ITLN2: variants seen among roughly 807,000 people sequenced by gnomAD.
ITLN2 encodes intelectin 2, also known as intelectin-2.
ITLN2 carries 29 observed loss-of-function variants against 39.4 expected under a neutral mutation model. That is an observed-to-expected ratio of 0.74 (90% CI 0.55 to 1.00). ITLN2 has a LOEUF of 1.00. ITLN2 is among the 50% of genes least tolerant of loss of function. ITLN2 has a pLI of 0.00. For missense variants in ITLN2, 412 were observed against 416.7 expected, an observed-to-expected ratio of 0.99 and a Z score of 0.10; for synonymous variants, 156 against 153.4, an observed-to-expected ratio of 1.02 and a Z score of -0.12.
intron 5 of ITLN2, 55 bp from the exon 6 acceptor site, chr1:160,950,221 G>A (rs1671709501): frequency 6.3e-7 from 1 of 1,589,998 alleles, no homozygotes; most frequent in Non-Finnish European, 8.6e-7. Flanking sequence ...CTGCCACAGT[G>A]TGGGGGGAGG....
chr1:160,946,236 G>T (rs867237772), intron 7 of ITLN2, among the ~76,000 whole-genome samples: 1 of 152,044 alleles, frequency 6.6e-6, no homozygotes, highest in African/African-American at 2.4e-5. Context: ...ACTTGAACCC[G>T]GGAGGCAGAG....
chr1:160,953,094 G>A (rs1383333709), intron 2 of ITLN2, among the ~76,000 whole-genome samples: 6 of 152,172 alleles, frequency 3.9e-5, no homozygotes, highest in African/African-American at 1.4e-4. Flanking sequence ...CTGGGGAAGG[G>A]ACCAGCTGTA....
chr1:160,947,834 T>A, intron 7 of ITLN2, 95 bp downstream of exon 7: 1 of 859,704 alleles, frequency 1.2e-6, no homozygotes, highest in Non-Finnish European at 1.9e-6. Flanking sequence ...TAAAATGGAG[T>A]TTCTTATGTC....
Position 160,950,596 on chromosome 1 carries a change from C to T in ITLN2, c.557G>A (p.Gly186Asp), listed in dbSNP as rs1489149379. The T allele has an allele frequency of 2.5e-6, 4 of 1,614,226 alleles. No individual in the cohort carries two copies. Among genetic ancestry groups the T allele is most frequent in the East Asian group, 4.5e-5 (2 of 44,886 alleles). Residue 186 changes from glycine (G) to aspartate (D), a missense_variant, in exon 5 of 8, where the codon GGC (glycine) becomes GAC (aspartate). Gly to Asp is a moderately conservative substitution (Grantham distance 94). Coordinates refer to ENST00000368029, the MANE Select transcript of ITLN2 (RefSeq NM_080878.3). ...ATTATGTCCCAGTCTCTGGAGGAAGCCAGTGTTGGTGCGGTACCTCAGCAG... is the reference window on the plus strand; with the variant it reads ...ATTATGTCCCAGTCTCTGGAGGAAGTCAGTGTTGGTGCGGTACCTCAGCAG... ...SALLRYRTNTGFLQRLGHNLF... is the reference protein window; with the variant it reads ...SALLRYRTNTDFLQRLGHNLF...
intron 7 of ITLN2, among the ~76,000 whole-genome samples, chr1:160,946,857 A>G (rs991419624): frequency 6.3e-4 from 96 of 152,180 alleles, no homozygotes; most frequent in South Asian, 4.2e-4. Context: ...ACACATTGAT[A>G]CACCCCACAC....
chr1:160,951,061 G>A lies in ITLN2; in HGVS notation c.423C>T (p.Ala141=), dbSNP rs1557874548. ...NYNTFGSAEA[A]TSDDYKNPGY... ...CACCAACCTTGTAGTCATCGCTCGT[G>A]GCCGCCTCTGCAGATCCAAAGGTGT... Residue 141 remains alanine (A), a synonymous_variant, in exon 4 of 8, where the codon GCC becomes GCT. Coordinates refer to ENST00000368029, the MANE Select transcript of ITLN2 (RefSeq NM_080878.3). 1.2e-6 allele frequency: 2 copies of A among 1,614,216 alleles called. No homozygotes were observed. The highest frequency in any genetic ancestry group is 2.2e-5 in the East Asian group (1 of 44,880).
intron 2 of ITLN2, among the ~76,000 whole-genome samples, chr1:160,953,736 G>C (rs1671800622): frequency 6.6e-6 from 1 of 151,960 alleles, no homozygotes; most frequent in Admixed American, 6.6e-5. Context: ...CAGGACTCAA[G>C]GTAAAATCCA....
At chr1:160,951,548 C>G in intron 3 of ITLN2, 1 of 431,094 alleles carries the variant, frequency 2.3e-6, no homozygotes, top group Non-Finnish European at 4.1e-6. Flanking sequence ...ATCTCCCTCT[C>G]GACAGTGCCA....
chr1:160,950,676 C>T lies in ITLN2; in HGVS notation c.477G>A (p.Leu159=). 6.2e-7 allele frequency: 1 copy of T among 1,614,070 alleles called. No individual in the cohort carries two copies. The part of the protein sequence containing the change: ...PGYYDIQAKD[L]GIWHVPNKSP... ...ACTTGTTGGGCACATGCCAGATGCC[C>T]AGGTCCTTGGCCTGGATGTCGTAGT... Residue 159 remains leucine, a synonymous_variant, in exon 5 of 8, where the codon CTG becomes CTA. Transcript: ENST00000368029.
intron 2 of ITLN2, among the ~76,000 whole-genome samples, chr1:160,953,354 G>T (rs1417086278): frequency 6.6e-6 from 1 of 152,190 alleles, no homozygotes; most frequent in African/African-American, 2.4e-5. Flanking sequence ...GAAGGGCCAT[G>T]TATATAAGTC....
chr1:160,954,426 G>A lies in ITLN2; in HGVS notation c.40C>T (p.Leu14=). The A allele has an allele frequency of 6.3e-7, 1 of 1,581,258 alleles. No homozygotes were observed. Among genetic ancestry groups the A allele is most frequent in the Non-Finnish European group, 8.6e-7 (1 of 1,162,206 alleles). The change falls in exon 2 of 8, where the codon CTG becomes TTG. Residue 14 remains leucine (L), a synonymous_variant. Transcript: ENST00000368029. The part of the protein sequence containing the change: ...MLRTMTRLCF[L]LFFSVATSGC... ...CTGGTGGCCACAGAGAAGAATAACAGGAAGCAGAGTCTGGTCATTGTCCTC... is the reference window on the plus strand; with the variant it reads ...CTGGTGGCCACAGAGAAGAATAACAAGAAGCAGAGTCTGGTCATTGTCCTC...
chr1:160,947,998 C>T lies in ITLN2; in HGVS notation c.756G>A (p.Val252=). The T allele has an allele frequency of 6.2e-7, 1 of 1,614,102 alleles. No homozygotes were observed. Among genetic ancestry groups the T allele is most frequent in the East Asian group, 2.2e-5 (1 of 44,888 alleles). ...CGTTGGCTGCTCTCTCGTTATTAAACACCCGGAACTGAACGAATCCTGCAA... is the reference window on the plus strand; with the variant it reads ...CGTTGGCTGCTCTCTCGTTATTAAATACCCGGAACTGAACGAATCCTGCAA... The part of the protein sequence containing the change: ...EFVAGFVQFR[V]FNNERAANAL... Residue 252 remains valine (V), a synonymous_variant, in exon 7 of 8, where the codon GTG becomes GTA. Transcript: ENST00000368029.
Position 160,945,030 on chromosome 1 carries a change from A to T in ITLN2, c.*110T>A, listed in dbSNP as rs954199089. The T allele has an allele frequency of 2.2e-6, 2 of 906,928 alleles. No homozygotes were observed. The highest frequency in any genetic ancestry group is 5.8e-5 in the East Asian group (2 of 34,276). The allele number at this position is 906,928 out of a possible 1,614,324, so 56.2% of individuals were successfully genotyped here. A position where few individuals can be genotyped will look rare whatever the true frequency, so the allele number is the denominator to read the frequency against. On this transcript the variant is annotated 3_prime_UTR_variant, in exon 8 of 8. Transcript: ENST00000368029. ...GAATTCAAAGAAACATAGAGTTGCA[A>T]ATTGATGTGATTTAGTCTCCTCTCC...
At position 160,951,106 on chromosome 1, in the gene ITLN2, A is replaced by G. The variant is rs374652996; in HGVS notation, c.378T>C (p.Asp126=). Residue 126 remains aspartate, a synonymous_variant, in exon 4 of 8, where the codon GAT becomes GAC. Coordinates refer to ENST00000368029, the MANE Select transcript of ITLN2 (RefSeq NM_080878.3). ...AGGTGTTGTAGTTGGCCCAGTTGCC[A>G]TCCCCCTCTGGGTAGTCTGCTTTGT... The part of the protein sequence containing the change: ...QGNKADYPEG[D]GNWANYNTFG... The G allele has an allele frequency of 1.1e-5, 17 of 1,614,136 alleles. No homozygotes were observed. In the African/African-American group the frequency reaches 1.2e-4, roughly 11 times the overall value.
At chr1:160,949,197 TCTCACCTCCAGCCCTAA>T (rs1297297577) in intron 6 of ITLN2, 5 of 152,162 alleles carry the variant, frequency 3.3e-5, no homozygotes, top group African/African-American at 1.2e-4. Context: ...CGCCAGCATG[TCTCACCTCCAGCCCTAA>T]GGTGGTTTTC....
rs1459253435 is a variant in ITLN2, at chr1:160,951,033, T to G, written c.441+10A>C. On this transcript the variant is annotated intron_variant, in intron 4 of 7. Coordinates refer to ENST00000368029, the MANE Select transcript of ITLN2 (RefSeq NM_080878.3). ...CACCCTCACCCAAGTAGGAGAGAAG[T>G]GGCACCAACCTTGTAGTCATCGCTC... 2 of 1,614,176 alleles carry G rather than the reference T, an allele frequency of 1.2e-6. No homozygotes were observed. The highest frequency in any genetic ancestry group is 3.3e-5 in the Admixed American group (2 of 60,028).
In ITLN2 at chr1:160,954,381, A is replaced by G; in HGVS notation, c.79+6T>C. 1 of 1,566,456 alleles carries G rather than the reference A, an allele frequency of 6.4e-7. No homozygotes were observed. Among genetic ancestry groups the G allele is most frequent in the Non-Finnish European group, 8.7e-7 (1 of 1,153,082 alleles). ...ACTGCAGCTCCTACTCTCAGAAGCC[A>G]TTTACCTGCACTGCACCCACTGGTG... On this transcript the variant is annotated splice_donor_region_variant and intron_variant, in intron 2 of 7. Transcript: ENST00000368029.
At position 160,946,659 on chromosome 1, in the gene ITLN2, G is replaced by C. The variant is rs184621339; in HGVS notation, c.825+1270C>G. Among the ~76,000 whole-genome samples the C allele has an allele frequency of 2.0e-5, 3 of 151,526 alleles. No homozygotes were observed. In the East Asian group the frequency reaches 5.8e-4, roughly 29 times the overall value. ...ACCCGGGAGGTGGAGCTTGCAGTAA[G>C]CTGAGATCGCGCCACTGCACTCCAG... On this transcript the variant is annotated intron_variant, in intron 7 of 7. Coordinates refer to ENST00000368029, the MANE Select transcript of ITLN2 (RefSeq NM_080878.3).
intron 3 of ITLN2, 30 bp from the exon 4 acceptor site, chr1:160,951,320 T>A: frequency 6.5e-7 from 1 of 1,542,630 alleles, no homozygotes; most frequent in Non-Finnish European, 8.7e-7. Flanking sequence ...AGAGCCTCCC[T>A]GTCTGAGAGC....
Sources: allele counts gnomAD v4.1 joint callset (sites outside exome capture counted in the v4.1 genomes callset), GRCh38; gene constraint gnomAD v4.1.1; transcripts MANE v1.5; gene names NCBI Gene and HGNC (gene_info 2026-07-23, HGNC 2026-07-21).